AMMECR1: variants seen among roughly 807,000 people sequenced by gnomAD.
AMMECR1 encodes nuclear protein AMMECR1.
In AMMECR1, 3 loss-of-function variants were observed where a neutral mutation model predicts 22.5. That is an observed-to-expected ratio of 0.13 (90% CI 0.06 to 0.35). The LOEUF (loss-of-function observed/expected upper bound fraction) is 0.35. Ranked by LOEUF, AMMECR1 falls within the 10% of genes least tolerant of loss-of-function variation. The probability of loss-of-function intolerance (pLI) is 1.00; values close to 1 mark genes in which losing one functional copy is unlikely to be tolerated. For synonymous variants in AMMECR1, 130 were observed against 116.7 expected (o/e 1.11, Z -0.74); for missense variants, 235 against 278.7 (o/e 0.84, Z 1.12).
intron 1 of AMMECR1, among the ~76,000 whole-genome samples, chrX:110,282,464 T>C (rs770562068): frequency 1.8e-5 from 2 of 110,354 alleles, no homozygotes; most frequent in East Asian, 5.6e-4. Context: ...GCTACAGGAA[T>C]CCAAGGACGC....
At chrX:110,214,121 G>A (rs1038906354) in intron 3 of AMMECR1, among the ~76,000 whole-genome samples, 1 of 110,612 alleles carries the variant, frequency 9.0e-6, no homozygotes, top group African/African-American at 3.3e-5. Flanking sequence ...AAATTAGCCA[G>A]TCATAGTGGT....
chrX:110,243,901 A>C (rs2067645518), intron 2 of AMMECR1, among the ~76,000 whole-genome samples: 1 of 112,209 alleles, frequency 8.9e-6, no homozygotes, highest in African/African-American at 3.2e-5. Context: ...ATTTTCAATA[A>C]ATTCTTAATT....
intron 1 of AMMECR1, among the ~76,000 whole-genome samples, chrX:110,280,095 C>T (rs1234517635): frequency 9.0e-6 from 1 of 111,170 alleles, no homozygotes; most frequent in African/African-American, 3.3e-5. Flanking sequence ...TGTAATAACT[C>T]TTTGAAATCC....
At chrX:110,391,084 T>A (rs1205021105) in intron 2 of AMMECR1, among the ~76,000 whole-genome samples, 1 of 112,092 alleles carries the variant, frequency 8.9e-6, no homozygotes, top group East Asian at 2.8e-4. Flanking sequence ...TTTGGGTTAT[T>A]TTCTAGTGAT....
At chrX:110,428,121 A>T (rs1486247929) in intron 1 of AMMECR1, among the ~76,000 whole-genome samples, 2 of 112,129 alleles carry the variant, frequency 1.8e-5, no homozygotes, top group African/African-American at 6.5e-5. Context: ...CACACAGTAG[A>T]TGTTCCATGA....
intron 1 of AMMECR1, among the ~76,000 whole-genome samples, chrX:110,268,573 G>T (rs758874273): frequency 4.5e-5 from 5 of 112,103 alleles, no homozygotes; most frequent in Non-Finnish European, 7.5e-5. Flanking sequence ...ATTGTATCTT[G>T]TGTGTGATAA....
rs182900204 is a variant in AMMECR1, at chrX:110,295,651, C to A, written c.473+21948G>T. On this transcript the variant is annotated intron_variant, in intron 1 of 5. Transcript: ENST00000262844. ...AACCTCACTTTCAGAATCTAACCTG[C>A]ATGCCAAAGCACTGAAATTTCTAAA... Among the ~76,000 whole-genome samples the A allele has an allele frequency of 3.9e-3, 437 of 111,948 alleles. 1 individual carries two copies. The highest frequency in any genetic ancestry group is 6.6e-3 in the Admixed American group (70 of 10,546).
At chrX:110,217,887 T>C (rs1407312604) in intron 2 of AMMECR1, among the ~76,000 whole-genome samples, 1 of 111,292 alleles carries the variant, frequency 9.0e-6, no homozygotes, top group African/African-American at 3.3e-5. Context: ...TGCACCACAT[T>C]TTGGTGCTCA....
chrX:110,435,584 G>C (rs1482526719), intron 1 of AMMECR1, among the ~76,000 whole-genome samples: 2 of 111,749 alleles, frequency 1.8e-5, no homozygotes, highest in Non-Finnish European at 3.8e-5. Flanking sequence ...GGATGTAAGA[G>C]AACCCTAACT....
intron 1 of AMMECR1, among the ~76,000 whole-genome samples, chrX:110,272,985 G>A (rs1466052053): frequency 8.9e-6 from 1 of 112,005 alleles, no homozygotes; most frequent in Non-Finnish European, 1.9e-5. Flanking sequence ...GAGTACAGGT[G>A]TCTTTTTAAT....
chrX:110,402,016 C>T (rs778590535), intron 2 of AMMECR1, among the ~76,000 whole-genome samples: 1 of 112,456 alleles, frequency 8.9e-6, no homozygotes, highest in East Asian at 2.8e-4. Flanking sequence ...GTCTCCCTTT[C>T]CTTTCCCAAC....
chrX:110,407,305 T>G (rs1359039740), intron 2 of AMMECR1, among the ~76,000 whole-genome samples: 2 of 112,099 alleles, frequency 1.8e-5, no homozygotes, highest in African/African-American at 3.2e-5. Flanking sequence ...CAGCTTGGTA[T>G]TTCTCACTGT....
intron 2 of AMMECR1, among the ~76,000 whole-genome samples, chrX:110,398,287 G>A (rs1284135665): frequency 1.8e-5 from 2 of 112,089 alleles, no homozygotes; most frequent in Admixed American, 9.4e-5. Flanking sequence ...TGTTCTACAC[G>A]TTTGAATGTG....
intron 2 of AMMECR1, among the ~76,000 whole-genome samples, chrX:110,352,698 G>A (rs933497481): frequency 3.6e-5 from 4 of 111,886 alleles, no homozygotes; most frequent in African/African-American, 1.3e-4. Flanking sequence ...AATGGAGAGA[G>A]TATATGGTAT....
chrX:110,378,531 A>G (rs1174118534), intron 2 of AMMECR1, among the ~76,000 whole-genome samples: 2 of 111,824 alleles, frequency 1.8e-5, no homozygotes, highest in East Asian at 5.6e-4. Flanking sequence ...GAAGCTCTCT[A>G]TGTTTATATG....
At position 110,283,090 on chromosome X, in the gene AMMECR1, T is replaced by C. The variant is rs756809442; in HGVS notation, c.474-18491A>G. Among the ~76,000 whole-genome samples the C allele has an allele frequency of 2.7e-5, 3 of 111,792 alleles. No individual in the cohort carries two copies. In the South Asian group the frequency reaches 1.1e-3, roughly 42 times the overall value. ...AAAAATGTTTATCCACTGTATACCA[T>C]CAGGAACCAGACTAGCAGGAAGAAA... On this transcript the variant is annotated intron_variant, in intron 1 of 5. Coordinates refer to ENST00000262844, the MANE Select transcript of AMMECR1 (RefSeq NM_015365.3).
chrX:110,290,640 A>G (rs1253764438), intron 1 of AMMECR1, among the ~76,000 whole-genome samples: 1 of 111,468 alleles, frequency 9.0e-6, no homozygotes, highest in Non-Finnish European at 1.9e-5. Context: ...GGTGCTTAAC[A>G]GTAATGAAAA....
In AMMECR1 at chrX:110,417,971, A is replaced by G. The variant is rs1303157435; in HGVS notation, c.-148+8687T>C. On this transcript the variant is annotated intron_variant, in intron 2 of 7. Transcript: ENST00000372057. ...GGGTGCCATGTTCAGGGGCAAGAGC[A>G]ATGAATTGTGCCTGCAAAAGCTTCA... 2.7e-5 allele frequency among the ~76,000 whole-genome samples: 3 copies of G among 112,791 alleles called. No homozygotes were observed. The Admixed American group carries it at 2.8e-4, about 11-fold the overall frequency.
At chrX:110,391,871 T>C (rs2068495931) in intron 2 of AMMECR1, among the ~76,000 whole-genome samples, 1 of 112,063 alleles carries the variant, frequency 8.9e-6, no homozygotes, top group South Asian at 3.7e-4. Flanking sequence ...CACAGACACA[T>C]AGCCAGATTT....
Sources: gnomAD v4.1 joint callset for allele counts (sites outside exome capture counted in the v4.1 genomes callset) on GRCh38, gnomAD v4.1.1 for gene constraint, MANE v1.5 for transcripts, NCBI Gene and HGNC (gene_info 2026-07-23, HGNC 2026-07-21) for gene names.